The following DYNC1H1 variants were observed in gnomAD, a reference collection of about 807,000 sequenced individuals.
DYNC1H1 encodes cytoplasmic dynein 1 heavy chain 1.
A neutral mutation model predicts 527.1 loss-of-function variants in DYNC1H1; 51 were observed. The observed-to-expected ratio is 0.10, with a 90% confidence interval of 0.08 to 0.12. DYNC1H1 has a LOEUF of 0.12. Ranked by LOEUF, DYNC1H1 falls within the 10% of genes least tolerant of loss-of-function variation. DYNC1H1 has a pLI of 1.00. For missense variants in DYNC1H1, 2,771 were observed against 5,971.8 expected (o/e 0.46, Z 17.66); for synonymous variants, 2,189 against 2,278.8 (o/e 0.96, Z 1.12).
intron 34 of DYNC1H1, among the ~76,000 whole-genome samples, chr14:102,014,887 C>G (rs2048302416): frequency 6.6e-6 from 1 of 152,104 alleles, no homozygotes; most frequent in Non-Finnish European, 1.5e-5. Context: ...ATGATCTCAG[C>G]TCACTGCAGC....
At position 101,988,997 on chromosome 14, in the gene DYNC1H1, C is replaced by T. The variant is rs548647069; in HGVS notation, c.2868+145C>T. Reference sequence around the variant, plus strand: ...TGATGAAGGTCAGCCTCACCAGTGGCGATGTGCAGGTGTCATGTGCCCTCT... The same window carrying T: ...TGATGAAGGTCAGCCTCACCAGTGGTGATGTGCAGGTGTCATGTGCCCTCT... On this transcript the variant is annotated intron_variant, in intron 10 of 77. Coordinates refer to ENST00000360184, the MANE Select transcript of DYNC1H1 (RefSeq NM_001376.5). The T allele has an allele frequency of 6.8e-5, 77 of 1,126,932 alleles. No individual in the cohort carries two copies. In the African/African-American group the frequency reaches 9.4e-4, roughly 14 times the overall value. The allele number at this position is 1,126,932 out of a possible 1,614,324, so 69.8% of individuals were successfully genotyped here. A position where few individuals can be genotyped will look rare whatever the true frequency, so the allele number is the denominator to read the frequency against.
chr14:102,016,247 A>G lies in DYNC1H1; in HGVS notation c.7474-102A>G, dbSNP rs2152582253. 2 of 1,537,414 alleles carry G rather than the reference A, an allele frequency of 1.3e-6. No individual in the cohort carries two copies. The highest frequency in any genetic ancestry group is 1.4e-5 in the African/African-American group (1 of 72,736). On this transcript the variant is annotated intron_variant, in intron 36 of 77. Transcript: ENST00000360184. This position sits in a 1 kb window ranked among gnomAD's most constrained non-coding sequence, Gnocchi z 7.3. ...AGGTGCAGTGGGTGTCTGTGATGCA[A>G]GAAGACTGGGAACCACTGTCTTTAG...
intron 16 of DYNC1H1, among the ~76,000 whole-genome samples, chr14:101,998,872 A>ATTTTTT (rs2048095129): frequency 7.6e-6 from 1 of 131,496 alleles, no homozygotes; most frequent in African/African-American, 3.4e-5. Context: ...TAGAGTTAAA[A>ATTTTTT]CTTTTTCTTT....
intron 43 of DYNC1H1, among the ~76,000 whole-genome samples, chr14:102,025,050 T>A (rs2048433069): frequency 6.6e-6 from 1 of 151,930 alleles, no homozygotes; most frequent in Non-Finnish European, 1.5e-5. Flanking sequence ...AGATGTATCT[T>A]TCAGGCTGGG....
rs756643231 is a variant in DYNC1H1, at chr14:101,997,282, C to T, written c.3804+8C>T. On this transcript the variant is annotated splice_region_variant and intron_variant, in intron 16 of 77. Coordinates refer to ENST00000360184, the MANE Select transcript of DYNC1H1 (RefSeq NM_001376.5). The surrounding 1 kb of genome is among the most constrained non-coding windows in gnomAD (Gnocchi z 4.8). ...AAGACCAAGCCTGTCACGGTGAGTC[C>T]CGCCAGGTGGGGACGCAGGAGACTC... The T allele has an allele frequency of 6.2e-7, 1 of 1,614,036 alleles. No homozygotes were observed. Among genetic ancestry groups the T allele is most frequent in the Admixed American group, 1.7e-5 (1 of 60,022 alleles).
At chr14:102,032,201 G>A (rs559600247) in intron 51 of DYNC1H1, 71 bp from the exon 52 acceptor site, 8 of 1,599,882 alleles carry the variant, frequency 5.0e-6, no homozygotes, top group African/African-American at 4.0e-5. Context: ...GGCTGTTTTG[G>A]TTCATTCTCA....
chr14:102,009,479 G>A (rs961841136), intron 29 of DYNC1H1: 2 of 303,030 alleles, frequency 6.6e-6, no homozygotes, highest in African/African-American at 4.4e-5. Context: ...CATGATGTAA[G>A]CCAGTCAGTG....
Position 102,019,956 on chromosome 14 carries a change from G to A in DYNC1H1, c.8407G>A (p.Val2803Met). The change falls in exon 42 of 78, where the codon GTG becomes ATG. Residue 2803 changes from valine (V) to methionine (M), a missense_variant. Val to Met is a conservative substitution (Grantham distance 21, BLOSUM62 1). Transcript: ENST00000360184. ...TTCACCCCGTGAAATGACTAGGTGG[G>A]TGAGAGGCATCTTTGAAGCGCTGAG... Reference protein sequence around the residue: ...IYSPREMTRWVRGIFEALRPL... With the variant: ...IYSPREMTRWMRGIFEALRPL... The A allele has an allele frequency of 6.2e-7, 1 of 1,614,194 alleles. No homozygotes were observed. The highest frequency in any genetic ancestry group is 8.5e-7 in the Non-Finnish European group (1 of 1,180,032).
intron 16 of DYNC1H1, among the ~76,000 whole-genome samples, chr14:101,998,368 G>A (rs1230643516): frequency 6.6e-6 from 1 of 151,806 alleles, no homozygotes; most frequent in Non-Finnish European, 1.5e-5. Context: ...CTCTATAAAC[G>A]CTGATCTGAT....
At chr14:102,024,505 G>C (rs1459695471) in intron 43 of DYNC1H1, among the ~76,000 whole-genome samples, 1 of 152,106 alleles carries the variant, frequency 6.6e-6, no homozygotes, top group Non-Finnish European at 1.5e-5. Context: ...GTGAAGTTCA[G>C]CTTTCTCCAG....
At chr14:102,037,421 C>G (rs1288457965) in intron 57 of DYNC1H1, 1 of 129,886 alleles carries the variant, frequency 7.7e-6, no homozygotes, top group African/African-American at 3.0e-5. Flanking sequence ...GAGACTCCAT[C>G]TCAAAAAAAA....
intron 43 of DYNC1H1, 191 bp downstream of exon 43, chr14:102,023,071 T>C: frequency 1.1e-6 from 1 of 889,358 alleles, no homozygotes; most frequent in South Asian, 1.4e-5. Flanking sequence ...GAGACCAGCC[T>C]GGGCAACATA....
rs937317763 is a variant in DYNC1H1, at chr14:101,966,260, G to A, written c.256+1313G>A. 5.3e-5 allele frequency among the ~76,000 whole-genome samples: 8 copies of A among 152,250 alleles called. No homozygotes were observed. The East Asian group carries it at 1.5e-3, about 29-fold the overall frequency. ...AGCCTTGGTTTCCTGCCAGAGATTA[G>A]CAGGGTGTAAAAGAATATTTTTTTC... On this transcript the variant is annotated intron_variant, in intron 1 of 77. Transcript: ENST00000360184.
chr14:102,008,081 G>A, intron 28 of DYNC1H1, 97 bp from the exon 29 acceptor site: 2 of 1,565,078 alleles, frequency 1.3e-6, no homozygotes, highest in Non-Finnish European at 1.7e-6. Flanking sequence ...AACCCACTAG[G>A]GTTAGGGCAT....
At chr14:101,972,563 G>A (rs1438633036) in intron 1 of DYNC1H1, among the ~76,000 whole-genome samples, 14 of 152,194 alleles carry the variant, frequency 9.2e-5, no homozygotes, top group Non-Finnish European at 1.9e-4. Context: ...GAGCTGGAGC[G>A]CTCACCACAC....
At chr14:101,988,990 C>A in intron 10 of DYNC1H1, 138 bp downstream of exon 10, 1 of 1,201,374 alleles carries the variant, frequency 8.3e-7, no homozygotes, top group Non-Finnish European at 1.2e-6. Context: ...GTCAGCCTCA[C>A]CAGTGGCGAT....
At position 102,016,298 on chromosome 14, in the gene DYNC1H1, T is replaced by C. The variant is rs1238859074; in HGVS notation, c.7474-51T>C. On this transcript the variant is annotated intron_variant, in intron 36 of 77. Coordinates refer to ENST00000360184, the MANE Select transcript of DYNC1H1 (RefSeq NM_001376.5). This position sits in a 1 kb window ranked among gnomAD's most constrained non-coding sequence, Gnocchi z 7.3. ...GTTAACTTTGCTGTAAGTGTCTTTCTTTTGTTGTTGAAATTTTATAAAAAT... is the reference window on the plus strand; with the variant it reads ...GTTAACTTTGCTGTAAGTGTCTTTCCTTTGTTGTTGAAATTTTATAAAAAT... 1 of 1,609,206 alleles carries C rather than the reference T, an allele frequency of 6.2e-7. No homozygotes were observed. Among genetic ancestry groups the C allele is most frequent in the African/African-American group, 1.3e-5 (1 of 74,706 alleles).
Position 102,017,153 on chromosome 14 carries a change from C to T in DYNC1H1, c.7914C>T (p.Tyr2638=). The T allele has an allele frequency of 6.2e-7, 1 of 1,614,242 alleles. No individual in the cohort carries two copies. The highest frequency in any genetic ancestry group is 8.5e-7 in the Non-Finnish European group (1 of 1,180,056). ...TGCTTCTGAAGACTTTTGATCACTA[C>T]TGCGAGTACAGGCGCACACCTAATG... The part of the protein sequence containing the change: ...PELLLKTFDH[Y]CEYRRTPNGV... The change falls in exon 39 of 78, where the codon TAC becomes TAT. Residue 2638 remains tyrosine (Y), a synonymous_variant. Coordinates refer to ENST00000360184, the MANE Select transcript of DYNC1H1 (RefSeq NM_001376.5). The surrounding 1 kb of genome is among the most constrained non-coding windows in gnomAD (Gnocchi z 4.6).
At chr14:101,998,477 A>T (rs1362060416) in intron 16 of DYNC1H1, among the ~76,000 whole-genome samples, 1 of 152,210 alleles carries the variant, frequency 6.6e-6, no homozygotes, top group Non-Finnish European at 1.5e-5. Context: ...TAATTTTCAA[A>T]TTTTTATTTA....
Sources: gnomAD v4.1 joint callset for allele counts (sites outside exome capture counted in the v4.1 genomes callset) on GRCh38, gnomAD v4.1.1 for gene constraint, Gnocchi (gnomAD v3.1) non-coding constraint, MANE v1.5 for transcripts, NCBI Gene and HGNC (gene_info 2026-07-23, HGNC 2026-07-21) for gene names.